Variants in GRID2 observed in about 807,000 individuals in gnomAD.
The protein encoded by GRID2 is glutamate ionotropic receptor delta type subunit 2, also known as glutamate receptor ionotropic, delta-2.
In GRID2, 33 loss-of-function variants were observed where a neutral mutation model predicts 114.8. The ratio of observed to expected loss-of-function variants is 0.29; its 90% CI spans 0.22 to 0.38. GRID2 has a LOEUF of 0.38. Among genes scored for constraint, GRID2 ranks in the 10% least tolerant of loss-of-function variants. GRID2 has a pLI of 1.00. For synonymous variants in GRID2, 505 were observed against 449.9 expected, an observed-to-expected ratio of 1.12 and a Z score of -1.55; for missense variants, 1,184 against 1,257.7, an observed-to-expected ratio of 0.94 and a Z score of 0.89.
chr4:92,892,111 T>C (rs975190894), intron 2 of GRID2, among the ~76,000 whole-genome samples: 14 of 152,118 alleles, frequency 9.2e-5, no homozygotes, highest in Admixed American at 9.2e-4. Flanking sequence ...TTGCCCAGGC[T>C]TGTGTGCAGT....
chr4:93,444,849 TAGAA>T (rs1721944698), intron 10 of GRID2, among the ~76,000 whole-genome samples: 1 of 152,018 alleles, frequency 6.6e-6, no homozygotes, highest in Non-Finnish European at 1.5e-5. Flanking sequence ...TATGTAAAAA[TAGAA>T]AAGAGTCTAA....
intron 8 of GRID2, among the ~76,000 whole-genome samples, chr4:93,323,706 G>A (rs933863706): frequency 1.3e-5 from 2 of 151,970 alleles, no homozygotes; most frequent in Admixed American, 1.3e-4. Flanking sequence ...ATTTGTTTGT[G>A]TCCTCTTTCA....
intron 14 of GRID2, among the ~76,000 whole-genome samples, chr4:93,667,049 G>A (rs1201447859): frequency 6.6e-6 from 1 of 151,992 alleles, no homozygotes; most frequent in East Asian, 1.9e-4. Context: ...CATACTATGT[G>A]ATGACTTCTT....
rs565776474 is a variant in GRID2 at position 92,789,512 on chromosome 4, CT to C, written c.244+199229del. Reference sequence around the variant, plus strand: ...TCATTGACTTGCCTGTCTCTTATGCCTTTGACCAATCTTCCAATTAACTCTC... The same window carrying C: ...TCATTGACTTGCCTGTCTCTTATGCCTTGACCAATCTTCCAATTAACTCTC... On this transcript the variant is annotated intron_variant, in intron 2 of 15. Coordinates refer to ENST00000282020, the MANE Select transcript of GRID2 (RefSeq NM_001510.4). 3.5e-3 allele frequency among the ~76,000 whole-genome samples: 538 copies of C among 151,896 alleles called. 2 individuals are homozygous for C. Among genetic ancestry groups the C allele is most frequent in the African/African-American group, 0.013 (522 of 41,488 alleles).
intron 2 of GRID2, among the ~76,000 whole-genome samples, chr4:92,806,903 A>G (rs1336119377): frequency 6.6e-6 from 1 of 151,666 alleles, no homozygotes; most frequent in East Asian, 1.9e-4. Context: ...TTCAGAGACC[A>G]AAAAAAAGCA....
At chr4:92,323,084 C>T (rs1726400878) in intron 1 of GRID2, among the ~76,000 whole-genome samples, 2 of 152,048 alleles carry the variant, frequency 1.3e-5, no homozygotes, top group Non-Finnish European at 1.5e-5. Flanking sequence ...CAAGTATTCT[C>T]ACATGGAGTG....
At chr4:93,659,432 A>G (rs1311809169) in intron 14 of GRID2, among the ~76,000 whole-genome samples, 1 of 152,172 alleles carries the variant, frequency 6.6e-6, no homozygotes, top group African/African-American at 2.4e-5. Context: ...TTTCCCATAC[A>G]TCTTTTGGTT....
chr4:93,790,712 A>G (rs752376620), intron 1 of GRID2, among the ~76,000 whole-genome samples: 7 of 152,246 alleles, frequency 4.6e-5, no homozygotes, highest in Non-Finnish European at 2.9e-5. Flanking sequence ...ATAATATGAA[A>G]GAACATACAA....
chr4:92,502,012 C>T (rs1344384065), intron 1 of GRID2, among the ~76,000 whole-genome samples: 3 of 152,006 alleles, frequency 2.0e-5, no homozygotes, highest in African/African-American at 4.8e-5. Context: ...CTTTATATGA[C>T]TTCTAAGCAG....
chr4:92,599,053 GTC>G (rs140216682), intron 2 of GRID2, among the ~76,000 whole-genome samples: 40 of 88,356 alleles, frequency 4.5e-4, no homozygotes, highest in Non-Finnish European at 4.8e-4. Context: ...TTTTTTTCCT[GTC>G]TCTCTCTCTC....
chr4:92,653,281 G>A (rs1732060967), intron 2 of GRID2, among the ~76,000 whole-genome samples: 1 of 149,604 alleles, frequency 6.7e-6, no homozygotes, highest in Admixed American at 6.7e-5. Flanking sequence ...TTACAGGTGT[G>A]AGCCATCGCG....
chr4:93,517,977 A>T (rs1218125204), intron 13 of GRID2, among the ~76,000 whole-genome samples: 1 of 39,210 alleles, frequency 2.6e-5, no homozygotes, highest in African/African-American at 1.4e-4. Context: ...ACATACATGT[A>T]CATGTATGTA....
At chr4:93,104,074 T>C (rs1731965722) in intron 3 of GRID2, among the ~76,000 whole-genome samples, 1 of 152,136 alleles carries the variant, frequency 6.6e-6, no homozygotes, top group Non-Finnish European at 1.5e-5. Flanking sequence ...GTGTCTATTG[T>C]TCCCATGTTT....
intron 9 of GRID2, among the ~76,000 whole-genome samples, chr4:93,412,306 A>T (rs1244401249): frequency 1.5e-5 from 2 of 134,994 alleles, no homozygotes; most frequent in Non-Finnish European, 3.3e-5. Flanking sequence ...TTGAAGCAGG[A>T]TTGCTTGAGC....
chr4:93,032,864 G>C (rs1218352519), intron 2 of GRID2, among the ~76,000 whole-genome samples: 2 of 152,122 alleles, frequency 1.3e-5, no homozygotes, highest in Non-Finnish European at 2.9e-5. Flanking sequence ...GGACAGCTGA[G>C]CTACACTCTA....
intron 13 of GRID2, among the ~76,000 whole-genome samples, chr4:93,621,335 A>T (rs535319308): frequency 5.9e-5 from 9 of 152,160 alleles, no homozygotes; most frequent in Non-Finnish European, 1.3e-4. Flanking sequence ...TGGGGTCTGG[A>T]GATTGAAAAC....
At chr4:93,554,644 C>A (rs944501047) in intron 13 of GRID2, among the ~76,000 whole-genome samples, 1 of 152,120 alleles carries the variant, frequency 6.6e-6, no homozygotes, top group Non-Finnish European at 1.5e-5. Flanking sequence ...CTCTGACACC[C>A]AGGCTGGAGT....
intron 1 of GRID2, among the ~76,000 whole-genome samples, chr4:92,424,131 T>TCTTAA (rs1344573896): frequency 2.6e-5 from 4 of 152,022 alleles, no homozygotes; most frequent in Non-Finnish European, 4.4e-5. Context: ...CCCAAGCAGT[T>TCTTAA]TTATACAAGT....
chr4:92,567,006 A>G (rs1458847126), intron 1 of GRID2, among the ~76,000 whole-genome samples: 1 of 152,052 alleles, frequency 6.6e-6, no homozygotes. Flanking sequence ...CAGAGGTTTT[A>G]TTCAGTTAGT....
Sources: gnomAD v4.1 joint callset for allele counts (sites outside exome capture counted in the v4.1 genomes callset) on GRCh38, gnomAD v4.1.1 for gene constraint, MANE v1.5 for transcripts, NCBI Gene and HGNC (gene_info 2026-07-23, HGNC 2026-07-21) for gene names.